Variants in CDH7 observed in about 807,000 individuals in gnomAD.
The protein encoded by CDH7 is cadherin 7.
Under a neutral mutation model 71.8 loss-of-function variants are expected in CDH7, and 25 were observed. The ratio of observed to expected loss-of-function variants is 0.35; its 90% confidence interval spans 0.25 to 0.49. The LOEUF (loss-of-function observed/expected upper bound fraction) is 0.49, where lower values mean the gene tolerates loss of function less well. Ranked by LOEUF, CDH7 falls within the 20% of genes least tolerant of loss-of-function variation. The pLI is 0.99. For missense variants in CDH7, 862 were observed against 974.6 expected (o/e 0.88, Z 1.54); for synonymous variants, 381 against 363.8 (o/e 1.05, Z -0.54).
At chr18:65,846,737 C>T (rs903568972) in intron 7 of CDH7, among the ~76,000 whole-genome samples, 1 of 152,104 alleles carries the variant, frequency 6.6e-6, no homozygotes, top group Non-Finnish European at 1.5e-5. Flanking sequence ...GGAATGGCCT[C>T]GGAGATGTCA....
At chr18:65,781,929 TC>T in intron 2 of CDH7, among the ~76,000 whole-genome samples, 1 of 117,522 alleles carries the variant, frequency 8.5e-6, no homozygotes, top group Non-Finnish European at 1.6e-5. Flanking sequence ...TCTTTCTCTC[TC>T]TCTCTCTCTC....
rs139809521 is a variant in CDH7, at chr18:65,788,779, A to G, written c.211-20925A>G. 7.3e-4 allele frequency among the ~76,000 whole-genome samples: 111 copies of G among 152,316 alleles called. No homozygotes were observed. The East Asian group carries it at 0.019, about 27-fold the overall frequency. ...AAGAGTTATACCTGCTTTCGCTTAG[A>G]TGAAAAAGTTTCCAGTGAGTAAAAG... On this transcript the variant is annotated intron_variant, in intron 2 of 11. Coordinates refer to ENST00000397968, the MANE Select transcript of CDH7 (RefSeq NM_004361.5).
At chr18:65,771,821 A>G (rs1303920136) in intron 2 of CDH7, among the ~76,000 whole-genome samples, 1 of 150,328 alleles carries the variant, frequency 6.7e-6, no homozygotes, top group Non-Finnish European at 1.5e-5. Flanking sequence ...GAAAAAAAAG[A>G]GAGAGCCAAA....
At chr18:65,841,300 T>C (rs1912723973) in intron 6 of CDH7, among the ~76,000 whole-genome samples, 1 of 152,188 alleles carries the variant, frequency 6.6e-6, no homozygotes, top group Non-Finnish European at 1.5e-5. Flanking sequence ...TGTAAAAAAT[T>C]GCATTCATTT....
At chr18:65,804,801 T>C (rs566774982) in intron 2 of CDH7, among the ~76,000 whole-genome samples, 2 of 152,082 alleles carry the variant, frequency 1.3e-5, no homozygotes, top group African/African-American at 4.8e-5. Flanking sequence ...AAGATGCCTG[T>C]TTCTACCAGG....
chr18:65,868,718 A>G (rs996103266), intron 11 of CDH7, among the ~76,000 whole-genome samples: 1 of 152,188 alleles, frequency 6.6e-6, no homozygotes, highest in African/African-American at 2.4e-5. Context: ...TTTCAGTACA[A>G]CCAAAATCTA....
chr18:65,805,142 A>G (rs1911269681), intron 2 of CDH7, among the ~76,000 whole-genome samples: 1 of 152,234 alleles, frequency 6.6e-6, no homozygotes, highest in Admixed American at 6.5e-5. Context: ...AGGAGTTTAT[A>G]AATTAAAGTT....
intron 7 of CDH7, among the ~76,000 whole-genome samples, chr18:65,853,906 C>CATATATATATATATAT (rs4047846): frequency 2.9e-5 from 1 of 34,210 alleles, no homozygotes; most frequent in Non-Finnish European, 5.6e-5. Context: ...CATAAATTAC[C>CATATATATATATATAT]ATATATATAT....
intron 1 of CDH7, among the ~76,000 whole-genome samples, chr18:65,755,313 A>C (rs947615597): frequency 1.3e-5 from 2 of 152,238 alleles, no homozygotes; most frequent in East Asian, 3.9e-4. Context: ...AGCAAGGGCT[A>C]CCTTGGTTTT....
intron 1 of CDH7, among the ~76,000 whole-genome samples, chr18:65,762,328 A>T (rs1916214791): frequency 6.6e-6 from 1 of 152,240 alleles, no homozygotes; most frequent in Admixed American, 6.5e-5. Flanking sequence ...AATGATTTTT[A>T]AAATGATGCC....
intron 2 of CDH7, among the ~76,000 whole-genome samples, chr18:65,804,551 A>G (rs905607663): frequency 5.9e-5 from 9 of 152,178 alleles, no homozygotes; most frequent in Non-Finnish European, 1.2e-4. Flanking sequence ...AGATGTAAAA[A>G]GATCACCAGA....
At chr18:65,772,075 T>C (rs1598992290) in intron 2 of CDH7, among the ~76,000 whole-genome samples, 2 of 152,328 alleles carry the variant, frequency 1.3e-5, no homozygotes, top group Middle Eastern at 6.8e-3. Flanking sequence ...ATCTCCTTCG[T>C]TAAAATGCTG....
At chr18:65,844,719 G>A (rs1156423726) in intron 7 of CDH7, among the ~76,000 whole-genome samples, 1 of 151,924 alleles carries the variant, frequency 6.6e-6, no homozygotes, top group Non-Finnish European at 1.5e-5. Context: ...TATAGTATGA[G>A]ATCTACATGT....
At chr18:65,784,071 CT>C (rs1165197410) in intron 2 of CDH7, among the ~76,000 whole-genome samples, 1 of 149,358 alleles carries the variant, frequency 6.7e-6, no homozygotes, top group Non-Finnish European at 1.5e-5. Context: ...CCCTCCTCAG[CT>C]GCTTGAGTAG....
chr18:65,869,286 G>C (rs1189196963), intron 11 of CDH7, among the ~76,000 whole-genome samples: 1 of 151,402 alleles, frequency 6.6e-6, no homozygotes, highest in Non-Finnish European at 1.5e-5. Flanking sequence ...CAATCCGTCA[G>C]TATTTCAGAG....
At chr18:65,762,249 T>C (rs1916212377) in intron 1 of CDH7, among the ~76,000 whole-genome samples, 1 of 152,176 alleles carries the variant, frequency 6.6e-6, no homozygotes, top group Non-Finnish European at 1.5e-5. Context: ...TTGCTTTGCT[T>C]TCACATTCTA....
At chr18:65,771,489 A>C (rs1916540794) in intron 2 of CDH7, among the ~76,000 whole-genome samples, 1 of 151,874 alleles carries the variant, frequency 6.6e-6, no homozygotes, top group African/African-American at 2.4e-5. Context: ...AAAAAATAAA[A>C]ATAAAATAAA....
chr18:65,760,653 G>C (rs1453734270), intron 1 of CDH7, among the ~76,000 whole-genome samples: 1 of 152,150 alleles, frequency 6.6e-6, no homozygotes, highest in Non-Finnish European at 1.5e-5. Flanking sequence ...GACCTCACAT[G>C]CTTGTCTCAG....
In CDH7 at chr18:65,839,793, T is replaced by C. The variant is rs954165375; in HGVS notation, c.982-4019T>C. On this transcript the variant is annotated intron_variant, in intron 6 of 11. Coordinates refer to ENST00000397968, the MANE Select transcript of CDH7 (RefSeq NM_004361.5). ...GAGAAAGAAGGAGCAGCAGGTGATA[T>C]ATACTAGAAGAGAAAAAGTGTGCTG... Among the ~76,000 whole-genome samples the C allele has an allele frequency of 3.9e-5, 6 of 152,244 alleles. No individual in the cohort carries two copies. The East Asian group carries it at 1.2e-3, about 29-fold the overall frequency.
Sources: gnomAD v4.1 joint callset for allele counts (sites outside exome capture counted in the v4.1 genomes callset) on GRCh38, gnomAD v4.1.1 for gene constraint, MANE v1.5 for transcripts, NCBI Gene and HGNC (gene_info 2026-07-23, HGNC 2026-07-21) for gene names.